Variants in COA5 observed in about 807,000 individuals in gnomAD.
COA5 encodes protein C2orf64.
COA5 carries 11 observed loss-of-function variants against 11.8 expected under a neutral mutation model. The ratio of observed to expected loss-of-function variants is 0.93; its 90% CI spans 0.59 to 1.54. The LOEUF (loss-of-function observed/expected upper bound fraction) is 1.54, where lower values mean the gene tolerates loss of function less well. COA5 is among the 40% of genes most tolerant of loss of function. The pLI is 0.00. For missense variants in COA5, 87 were observed against 89.2 expected, an observed-to-expected ratio of 0.97 and a Z score of 0.10; for synonymous variants, 38 against 37.5, an observed-to-expected ratio of 1.01 and a Z score of -0.05.
chr2:98,600,878 G>T (rs1700634043), intron 2 of COA5, 85 bp from the exon 3 acceptor site: 2 of 868,310 alleles, frequency 2.3e-6, no homozygotes, highest in South Asian at 2.8e-5. Context: ...ATCACCGCAT[G>T]AGAGAAATAA....
At chr2:98,605,721 G>A (rs1329066336) in intron 1 of COA5, 1 of 152,226 alleles carries the variant, frequency 6.6e-6, no homozygotes, top group Non-Finnish European at 1.5e-5. Context: ...TGGGGGTAGG[G>A]TGAGGGCAGC....
In COA5 at chr2:98,608,365, C is replaced by G; in HGVS notation, c.41G>C (p.Cys14Ser). 1.2e-6 allele frequency: 2 copies of G among 1,609,668 alleles called. No homozygotes were observed. The highest frequency in any genetic ancestry group is 1.7e-6 in the Non-Finnish European group (2 of 1,178,834). ...GCCCAGGTCCTCCTTCAGGCCCGCG[C>G]ACGCGCCGCCCTGCGGCTTGTCCTC... ...YYEDKPQGGA[C>S]AGLKEDLGAC... Residue 14 changes from cysteine to serine, a missense_variant, in exon 1 of 3, where the codon TGC becomes TCC. Physicochemically the swap from Cys to Ser is moderately radical, Grantham distance 112. Coordinates refer to ENST00000328709, the MANE Select transcript of COA5 (RefSeq NM_001008215.3).
intron 1 of COA5, among the ~76,000 whole-genome samples, chr2:98,607,010 C>G (rs534045289): frequency 6.6e-6 from 1 of 152,322 alleles, no homozygotes; most frequent in Admixed American, 6.5e-5. Flanking sequence ...GCTCAAATGT[C>G]ATCTCAGAAG....
rs756729158 is a variant in COA5, at chr2:98,608,362, G to A, written c.44C>T (p.Ala15Val). Residue 15 changes from alanine (A) to valine (V), a missense_variant, in exon 1 of 3, where the codon GCG becomes GTG. Transcript: ENST00000328709. ...YEDKPQGGAC[A>V]GLKEDLGACL... ...CGCGCCCAGGTCCTCCTTCAGGCCCGCGCACGCGCCGCCCTGCGGCTTGTC... is the reference window on the plus strand; with the variant it reads ...CGCGCCCAGGTCCTCCTTCAGGCCCACGCACGCGCCGCCCTGCGGCTTGTC... 2.5e-6 allele frequency: 4 copies of A among 1,609,680 alleles called. No homozygotes were observed. Among genetic ancestry groups the A allele is most frequent in the Non-Finnish European group, 3.4e-6 (4 of 1,178,850 alleles).
At chr2:98,603,667 T>C (rs921670355) in intron 2 of COA5, among the ~76,000 whole-genome samples, 1 of 152,166 alleles carries the variant, frequency 6.6e-6, no homozygotes, top group African/African-American at 2.4e-5. Flanking sequence ...TGTAATCTCT[T>C]TTTAGGCCCT....
intron 2 of COA5, among the ~76,000 whole-genome samples, chr2:98,601,575 C>CAA (rs1046657720): frequency 6.6e-6 from 1 of 152,168 alleles, no homozygotes; most frequent in African/African-American, 2.4e-5. Flanking sequence ...AGAGGGTTCT[C>CAA]AAGTCAGTTT....
intron 2 of COA5, among the ~76,000 whole-genome samples, chr2:98,603,259 AC>A (rs1272055158): frequency 6.6e-6 from 1 of 152,076 alleles, no homozygotes; most frequent in African/African-American, 2.4e-5. Context: ...CAGGCAGATC[AC>A]CTGAGGTCAG....
intron 1 of COA5, chr2:98,605,826 C>A (rs1700699512): frequency 2.6e-5 from 4 of 152,138 alleles, no homozygotes; most frequent in Admixed American, 2.6e-4. Context: ...ACGAAGATAC[C>A]CTATGATGAG....
intron 2 of COA5, 37 bp from the exon 3 acceptor site, chr2:98,600,830 A>C: frequency 2.9e-6 from 4 of 1,361,650 alleles, no homozygotes; most frequent in Non-Finnish European, 4.2e-6. Context: ...AATTTGGTAC[A>C]ATGTAATTAA....
intron 1 of COA5, 176 bp from the exon 2 acceptor site, chr2:98,604,367 A>C (rs940475822): frequency 1.5e-5 from 9 of 596,536 alleles, no homozygotes; most frequent in Non-Finnish European, 2.4e-5. Flanking sequence ...ATGAAAAAAA[A>C]ATTGTAAAGT....
chr2:98,605,685 A>G (rs1475745841), intron 1 of COA5: 1 of 152,216 alleles, frequency 6.6e-6, no homozygotes, highest in Non-Finnish European at 1.5e-5. Flanking sequence ...CCCAAAACCA[A>G]CCTAGGAAAG....
rs759225026 is a variant in COA5 at position 98,604,155 on chromosome 2, ATCCT to A, written c.132_135del (p.Glu44AspfsTer6). The A allele has an allele frequency of 5.6e-6, 9 of 1,613,812 alleles. No homozygotes were observed. Among genetic ancestry groups the A allele is most frequent in the African/African-American group, 1.3e-5 (1 of 74,934 alleles). On this transcript the variant is annotated frameshift_variant, in exon 2 of 3. Transcript: ENST00000328709. LOFTEE classifies it high-confidence loss of function. ...AATGCGTACTTCAAAGAGTTGCAGT[ATCCT>A]TCCTTCAAACACTGCCGAGGTGATT...
At chr2:98,606,496 A>G (rs966419468) in intron 1 of COA5, among the ~76,000 whole-genome samples, 2 of 152,226 alleles carry the variant, frequency 1.3e-5, no homozygotes, top group African/African-American at 4.8e-5. Flanking sequence ...CAAAGTCTGT[A>G]CCAGCTGTCC....
At chr2:98,604,631 T>A (rs1294949181) in intron 1 of COA5, 1 of 182,756 alleles carries the variant, frequency 5.5e-6, no homozygotes, top group South Asian at 1.1e-4. Flanking sequence ...CCAGAAAAAA[T>A]ATAACCCAAA....
chr2:98,607,246 G>A (rs1190538563), intron 1 of COA5, among the ~76,000 whole-genome samples: 1 of 152,164 alleles, frequency 6.6e-6, no homozygotes, highest in African/African-American at 2.4e-5. Flanking sequence ...TGCCACTTAA[G>A]AGGCATTTAC....
chr2:98,603,987 C>A, intron 2 of COA5, 121 bp downstream of exon 2: 1 of 704,990 alleles, frequency 1.4e-6, no homozygotes, highest in South Asian at 1.6e-5. Context: ...GAAATATTAT[C>A]TATGTAATTT....
rs1439726818 is a variant in COA5 at position 98,607,402 on chromosome 2, CAA to C, written c.99+903_99+904del. 3.3e-5 allele frequency among the ~76,000 whole-genome samples: 5 copies of C among 152,298 alleles called. No homozygotes were observed. The East Asian group carries it at 9.6e-4, about 29-fold the overall frequency. On this transcript the variant is annotated intron_variant, in intron 1 of 2. Coordinates refer to ENST00000328709, the MANE Select transcript of COA5 (RefSeq NM_001008215.3). ...ATAATCTCTTAAATTTATAATAACT[CAA>C]GTTTTACTAGACATTGGGAGGCGAG...
chr2:98,601,280 G>A (rs1231785043), intron 2 of COA5, among the ~76,000 whole-genome samples: 1 of 151,958 alleles, frequency 6.6e-6, no homozygotes, highest in Admixed American at 6.6e-5. Context: ...AAAAATAGAA[G>A]TTCCGCTTAA....
intron 2 of COA5, among the ~76,000 whole-genome samples, chr2:98,603,849 G>A (rs913110124): frequency 2.0e-5 from 3 of 152,170 alleles, no homozygotes; most frequent in East Asian, 1.9e-4. Context: ...TATACCTGCC[G>A]AGACTTCATT....
Sources: allele counts gnomAD v4.1 joint callset (sites outside exome capture counted in the v4.1 genomes callset), GRCh38; gene constraint gnomAD v4.1.1; transcripts MANE v1.5; gene names NCBI Gene and HGNC (gene_info 2026-07-23, HGNC 2026-07-21).